MARCHF1: variants seen among roughly 807,000 people sequenced by gnomAD.
The protein encoded by MARCHF1 is E3 ubiquitin-protein ligase MARCHF1.
In MARCHF1, 40 loss-of-function variants were observed where a neutral mutation model predicts 54.2. The ratio of observed to expected loss-of-function variants is 0.74; its 90% CI spans 0.57 to 0.96. MARCHF1 has a LOEUF of 0.96. Ranked by LOEUF, MARCHF1 falls within the 40% of genes least tolerant of loss-of-function variation. The pLI, the probability that MARCHF1 is intolerant of heterozygous loss-of-function variation, is 0.00. For missense variants in MARCHF1, 586 were observed against 656.5 expected (o/e 0.89, Z 1.17); for synonymous variants, 236 against 236.3 (o/e 1.00, Z 0.01).
chr4:164,227,856 G>A (rs940070170), intron 1 of MARCHF1, among the ~76,000 whole-genome samples: 1 of 152,076 alleles, frequency 6.6e-6, no homozygotes, highest in African/African-American at 2.4e-5. Context: ...TGTCATACAT[G>A]GGGGAAGCAC....
intron 5 of MARCHF1, among the ~76,000 whole-genome samples, chr4:163,642,533 A>G (rs1278509290): frequency 6.6e-6 from 1 of 152,152 alleles, no homozygotes; most frequent in African/African-American, 2.4e-5. Flanking sequence ...AGTTGGCTTG[A>G]TTGCATATTT....
chr4:164,281,775 T>C (rs1054419844), intron 1 of MARCHF1, among the ~76,000 whole-genome samples: 2 of 152,158 alleles, frequency 1.3e-5, no homozygotes. Context: ...CCATCACCTA[T>C]AAAAGAGAGC....
Position 164,050,886 on chromosome 4 carries a change from T to C in MARCHF1, c.-248+60702A>G, listed in dbSNP as rs368737391. ...AGGCGGAGGTTGCGGTGAGCCGAGA[T>C]TGTGCCATTGCACTCCAGCCTGGGC... On this transcript the variant is annotated intron_variant, in intron 2 of 9. Coordinates refer to ENST00000514618, the MANE Select transcript of MARCHF1 (RefSeq NM_001394959.1). 1.2e-4 allele frequency among the ~76,000 whole-genome samples: 18 copies of C among 152,216 alleles called. No homozygotes were observed. The East Asian group carries it at 2.7e-3, about 23-fold the overall frequency.
At chr4:164,223,358 C>T (rs1001379011) in intron 1 of MARCHF1, among the ~76,000 whole-genome samples, 3 of 151,678 alleles carry the variant, frequency 2.0e-5, no homozygotes, top group African/African-American at 7.3e-5. Flanking sequence ...AGCTGTCATG[C>T]AAATATATAT....
chr4:164,255,390 TA>T (rs3060483), intron 1 of MARCHF1, among the ~76,000 whole-genome samples: 94,942 of 131,986 alleles, frequency 0.72, 33,343 homozygotes, highest in East Asian at 0.85. Flanking sequence ...GCAAGAAAGA[TA>T]AAAAAAAAAA....
chr4:164,202,384 C>A (rs1205233802), intron 1 of MARCHF1, among the ~76,000 whole-genome samples: 1 of 151,976 alleles, frequency 6.6e-6, no homozygotes, highest in Non-Finnish European at 1.5e-5. Context: ...GTGTAAGGGG[C>A]AAAAGTGGCG....
intron 3 of MARCHF1, among the ~76,000 whole-genome samples, chr4:163,921,278 G>A (rs1358762916): frequency 7.1e-6 from 1 of 140,988 alleles, no homozygotes; most frequent in Non-Finnish European, 1.5e-5. Context: ...CCATTAATTT[G>A]GAGTTTTTAA....
chr4:163,722,136 A>G (rs1745490331), intron 4 of MARCHF1, among the ~76,000 whole-genome samples: 1 of 152,040 alleles, frequency 6.6e-6, no homozygotes, highest in South Asian at 2.1e-4. Context: ...TGTCAATTTT[A>G]GATCTTTCCT....
chr4:163,809,468 G>T (rs563496599), intron 4 of MARCHF1, among the ~76,000 whole-genome samples: 1 of 152,068 alleles, frequency 6.6e-6, no homozygotes, highest in East Asian at 1.9e-4. Context: ...CCATCTCTTT[G>T]GTAAGAGAAA....
At chr4:164,265,444 C>T (rs1032224543) in intron 1 of MARCHF1, among the ~76,000 whole-genome samples, 4 of 148,500 alleles carry the variant, frequency 2.7e-5, no homozygotes, top group Non-Finnish European at 5.9e-5. Flanking sequence ...TAGCTAAGGG[C>T]TGTACCTGGC....
chr4:163,860,580 G>C (rs1335134538), intron 3 of MARCHF1, among the ~76,000 whole-genome samples: 2 of 152,090 alleles, frequency 1.3e-5, no homozygotes, highest in Non-Finnish European at 2.9e-5. Context: ...AAAAACTTGT[G>C]AAGGCCACAG....
chr4:164,274,668 T>C (rs1272142174), intron 1 of MARCHF1, among the ~76,000 whole-genome samples: 4,602 of 100,554 alleles, frequency 0.046, 871 homozygotes, highest in African/African-American at 0.13. Flanking sequence ...ACTTTTTTTT[T>C]TTTTTTTTTT....
intron 3 of MARCHF1, among the ~76,000 whole-genome samples, chr4:163,895,510 A>C (rs747610818): frequency 6.6e-6 from 1 of 152,158 alleles, no homozygotes; most frequent in Non-Finnish European, 1.5e-5. Flanking sequence ...AAGGCAGAGC[A>C]TATTTCTCCA....
chr4:163,727,956 G>A (rs1177766318), intron 4 of MARCHF1, among the ~76,000 whole-genome samples: 1 of 152,072 alleles, frequency 6.6e-6, no homozygotes, highest in African/African-American at 2.4e-5. Context: ...CAAAGTGCTG[G>A]GATTACAAGC....
At chr4:164,197,189 ACTC>A (rs751046016) in intron 1 of MARCHF1, 3 of 1,606,026 alleles carry the variant, frequency 1.9e-6, no homozygotes, top group South Asian at 1.1e-5. Flanking sequence ...TCTTCATCAT[ACTC>A]CTCCTCATGC....
chr4:164,150,964 G>A (rs1029752684), intron 1 of MARCHF1, among the ~76,000 whole-genome samples: 4 of 152,142 alleles, frequency 2.6e-5, no homozygotes, highest in Non-Finnish European at 5.9e-5. Context: ...TGTCAGTGGT[G>A]GAGTGCTGTG....
intron 3 of MARCHF1, among the ~76,000 whole-genome samples, chr4:163,953,635 C>T (rs1052344663): frequency 1.3e-5 from 2 of 152,102 alleles, no homozygotes; most frequent in Non-Finnish European, 2.9e-5. Flanking sequence ...TTCATATACT[C>T]AATGTCTTAC....
chr4:163,908,164 C>A (rs1183479667), intron 3 of MARCHF1, among the ~76,000 whole-genome samples: 3 of 152,256 alleles, frequency 2.0e-5, no homozygotes, highest in East Asian at 1.9e-4. Flanking sequence ...AGACTATATT[C>A]TATCCACACA....
At chr4:163,924,263 G>A (rs777489963) in intron 3 of MARCHF1, among the ~76,000 whole-genome samples, 12 of 151,998 alleles carry the variant, frequency 7.9e-5, no homozygotes, top group African/African-American at 2.9e-4. Context: ...GTAATCAAAG[G>A]AGTCAATACA....
Sources: allele counts gnomAD v4.1 joint callset (sites outside exome capture counted in the v4.1 genomes callset), GRCh38; gene constraint gnomAD v4.1.1; transcripts MANE v1.5; gene names NCBI Gene and HGNC (gene_info 2026-07-23, HGNC 2026-07-21).